JAKMIP1: variants seen among roughly 807,000 people sequenced by gnomAD.
JAKMIP1 encodes the protein janus kinase and microtubule-interacting protein 1.
In JAKMIP1, 33 loss-of-function variants were observed where a neutral mutation model predicts 113.0. The ratio of observed to expected loss-of-function variants is 0.29; its 90% CI spans 0.22 to 0.39. The LOEUF is 0.39. Among genes scored for constraint, JAKMIP1 ranks in the 10% least tolerant of loss-of-function variants. The pLI, the probability that JAKMIP1 is intolerant of heterozygous loss-of-function variation, is 1.00. For missense variants in JAKMIP1, 813 were observed against 1,080.5 expected, an observed-to-expected ratio of 0.75 and a Z score of 3.47; for synonymous variants, 480 against 459.9, an observed-to-expected ratio of 1.04 and a Z score of -0.56.
At chr4:6,095,323 A>G (rs536225536) in intron 3 of JAKMIP1, among the ~76,000 whole-genome samples, 2 of 151,468 alleles carry the variant, frequency 1.3e-5, no homozygotes, top group South Asian at 4.2e-4. Flanking sequence ...GGGGAAAGAG[A>G]GAGACAGCGA....
intron 8 of JAKMIP1, chr4:6,070,144 CAA>C (rs915925294): frequency 5.0e-6 from 2 of 398,728 alleles, no homozygotes; most frequent in Non-Finnish European, 8.8e-6. Context: ...AAGTACAGCA[CAA>C]AGAGGACATA....
Position 6,056,751 on chromosome 4 carries a change from C to A in JAKMIP1, c.1653G>T (p.Lys551Asn). ...KLLVEKGQDS[K>N]WVEEKQLLIR... is the part of the protein sequence containing the mutation. ...TGAGCAGCTGCTTCTCTTCAACCCA[C>A]TTGGAATCCTAAGGAAAAGTACTAA... Residue 551 changes from lysine (K) to asparagine (N), a missense_variant, in exon 12 of 21, where the codon AAG (lysine) becomes AAT (asparagine). By Grantham distance (94) the Lys-to-Asn change is moderately conservative. Transcript: ENST00000409021. The A allele has an allele frequency of 1.2e-6, 2 of 1,612,110 alleles. No homozygotes were observed. Among genetic ancestry groups the A allele is most frequent in the Non-Finnish European group, 1.7e-6 (2 of 1,178,504 alleles).
chr4:6,078,526 C>A (rs1720016904), intron 8 of JAKMIP1, among the ~76,000 whole-genome samples: 1 of 151,392 alleles, frequency 6.6e-6, no homozygotes, highest in Non-Finnish European at 1.5e-5. Context: ...AGCAAAAGAC[C>A]TATATTTTCC....
chr4:6,055,143 G>A (rs1217968076), intron 12 of JAKMIP1, among the ~76,000 whole-genome samples: 1 of 152,124 alleles, frequency 6.6e-6, no homozygotes, highest in Non-Finnish European at 1.5e-5. Context: ...CTCCAGTCCT[G>A]GTGCCCCAGG....
chr4:6,085,507 C>T lies in JAKMIP1; in HGVS notation c.747G>A (p.Gln249=). The change falls in exon 4 of 21, where the codon CAG becomes CAA. Residue 249 remains glutamine, a synonymous_variant. Coordinates refer to ENST00000409021, the MANE Select transcript of JAKMIP1 (RefSeq NM_001099433.2). ...QKEALDEQLV[Q]VKEAERHHSS... ...TGTGGTGCCGCTCGGCCTCCTTGAC[C>T]TGAACCAGCTGCTCATCCAAAGCCT... is the stretch of plus-strand genomic sequence containing the variant. 6.2e-7 allele frequency: 1 copy of T among 1,614,216 alleles called. No individual in the cohort carries two copies. The highest frequency in any genetic ancestry group is 8.5e-7 in the Non-Finnish European group (1 of 1,180,050).
At chr4:6,117,398 T>A (rs947015943) in intron 1 of JAKMIP1, among the ~76,000 whole-genome samples, 10 of 151,022 alleles carry the variant, frequency 6.6e-5, no homozygotes, top group Non-Finnish European at 1.3e-4. Context: ...TATTAGGGAG[T>A]TTCAAAAAGG....
Position 6,183,494 on chromosome 4 carries a change from A to AAATAAATAAATAAATAAATG in JAKMIP1, c.-148+16758_-148+16759insCATTTATTTATTTATTTATT, listed in dbSNP as rs1726289494. Reference sequence around the variant, plus strand: ...ACTCTGTCTCAATAAATAAATAAATAAATAAATAAATAAATTTAAAAAAGA... The same window carrying AAATAAATAAATAAATAAATG: ...ACTCTGTCTCAATAAATAAATAAATAAATAAATAAATAAATAAATGAATAAATAAATAAATTTAAAAAAGA... On this transcript the variant is annotated intron_variant, in intron 1 of 20. Transcript: ENST00000409021. The surrounding 1 kb of genome is among the most constrained non-coding windows in gnomAD (Gnocchi z 5.3). Among the ~76,000 whole-genome samples the AAATAAATAAATAAATAAATG allele has an allele frequency of 6.6e-6, 1 of 150,424 alleles. No individual in the cohort carries two copies.
In JAKMIP1 at chr4:6,039,938, G is replaced by T. The variant is rs73071594; in HGVS notation, c.2175+701C>A. Among the ~76,000 whole-genome samples the T allele has an allele frequency of 3.6e-3, 547 of 152,242 alleles. 5 individuals are homozygous for T. The highest frequency in any genetic ancestry group is 0.012 in the African/African-American group (517 of 41,528). ...TTGTAAAATTATTTTAACTACAAAT[G>T]ATCTGGGCAGAGATTTGCTCAAGAC... On this transcript the variant is annotated intron_variant, in intron 18 of 20. Transcript: ENST00000409021.
chr4:6,166,146 A>G (rs915388331), intron 1 of JAKMIP1, among the ~76,000 whole-genome samples: 4 of 152,152 alleles, frequency 2.6e-5, no homozygotes, highest in African/African-American at 9.7e-5. Flanking sequence ...TCTGCCACAT[A>G]AGGTATATTC....
Position 6,105,520 on chromosome 4 carries a change from C to T in JAKMIP1, c.577G>A (p.Glu193Lys). Reference protein sequence around the residue: ...LRAAYQAHQDEVHRIKRECER... With the variant: ...LRAAYQAHQDKVHRIKRECER... ...CACTCGCGCTTGATGCGGTGCACCTCGTCTTGGTGCGCCTGGTAGGCGGCA... is the reference window on the plus strand; with the variant it reads ...CACTCGCGCTTGATGCGGTGCACCTTGTCTTGGTGCGCCTGGTAGGCGGCA... The change falls in exon 3 of 21, where the codon GAG becomes AAG. Residue 193 changes from glutamate (E) to lysine (K), a missense_variant. By Grantham distance (56) the Glu-to-Lys change is moderately conservative. Coordinates refer to ENST00000409021, the MANE Select transcript of JAKMIP1 (RefSeq NM_001099433.2). 1.9e-6 allele frequency: 3 copies of T among 1,609,198 alleles called. No homozygotes were observed. Among genetic ancestry groups the T allele is most frequent in the Non-Finnish European group, 2.5e-6 (3 of 1,178,462 alleles).
At chr4:6,074,821 A>T (rs1241490519) in intron 8 of JAKMIP1, among the ~76,000 whole-genome samples, 1 of 152,232 alleles carries the variant, frequency 6.6e-6, no homozygotes, top group Non-Finnish European at 1.5e-5. Flanking sequence ...CTATGTTTAG[A>T]TACACAAATA....
In JAKMIP1 at chr4:6,081,547, G is replaced by A. The variant is rs1018364349; in HGVS notation, c.1101+62C>T. ...GAACATGTGAATCGGGAGGTTCAGG[G>A]CTGAAGAATCCCAGACAGAGAAGGG... is the stretch of plus-strand genomic sequence containing the variant. On this transcript the variant is annotated intron_variant, in intron 6 of 20. Coordinates refer to ENST00000409021, the MANE Select transcript of JAKMIP1 (RefSeq NM_001099433.2). The surrounding 1 kb of genome is among the most constrained non-coding windows in gnomAD (Gnocchi z 4.6). 15 of 1,594,502 alleles carry A rather than the reference G, an allele frequency of 9.4e-6. No homozygotes were observed. Among genetic ancestry groups the A allele is most frequent in the East Asian group, 2.2e-5 (1 of 44,718 alleles).
intron 2 of JAKMIP1, among the ~76,000 whole-genome samples, chr4:6,107,981 G>C (rs747959226): frequency 6.6e-6 from 1 of 152,168 alleles, no homozygotes; most frequent in Non-Finnish European, 1.5e-5. Context: ...AGCCTCGTGT[G>C]AGAGACACAG....
At position 6,040,699 on chromosome 4, in the gene JAKMIP1, C is replaced by G; in HGVS notation, c.2115G>C (p.Gln705His). ...CGAGCTCCTCTTCCAGGTAGCCCTT[C>G]TGCCTGCTGAACAGGTCCTGAGAAA... ...LEKEKDLFSRQKGYLEEELDY... is the reference protein window; with the variant it reads ...LEKEKDLFSRHKGYLEEELDY... Residue 705 changes from glutamine to histidine, a missense_variant, in exon 18 of 21, where the codon CAG (glutamine) becomes CAC (histidine). Gln to His is a conservative substitution (Grantham distance 24). Transcript: ENST00000409021. This position sits in a 1 kb window ranked among gnomAD's most constrained non-coding sequence, Gnocchi z 5.8. The G allele has an allele frequency of 6.2e-7, 1 of 1,613,514 alleles. No homozygotes were observed. Among genetic ancestry groups the G allele is most frequent in the Non-Finnish European group, 8.5e-7 (1 of 1,179,700 alleles).
At position 6,093,783 on chromosome 4, in the gene JAKMIP1, AAAG is replaced by A. The variant is rs1722422243; in HGVS notation, c.625-8157_625-8155del. Among the ~76,000 whole-genome samples, 1 of 152,124 alleles carries A rather than the reference AAAG, an allele frequency of 6.6e-6. No homozygotes were observed. The highest frequency in any genetic ancestry group is 1.5e-5 in the Non-Finnish European group (1 of 68,030). On this transcript the variant is annotated intron_variant, in intron 3 of 20. Transcript: ENST00000409021. The surrounding 1 kb of genome is among the most constrained non-coding windows in gnomAD (Gnocchi z 4.6). ...TACTTGGGAAGAGGTCACTTTCCTCAAAGAAGGAGCCAGGTTTGCCCGTGGTAG... is the reference window on the plus strand; with the variant it reads ...TACTTGGGAAGAGGTCACTTTCCTCAAAGGAGCCAGGTTTGCCCGTGGTAG...
intron 13 of JAKMIP1, 106 bp downstream of exon 13, chr4:6,053,944 C>T: frequency 1.9e-6 from 3 of 1,596,174 alleles, no homozygotes; most frequent in Non-Finnish European, 2.6e-6. Context: ...AACATGTCCC[C>T]TTTACACATG....
At position 6,142,990 on chromosome 4, in the gene JAKMIP1, GA is replaced by G. The variant is rs1720374635; in HGVS notation, c.-147-29994del. Among the ~76,000 whole-genome samples the G allele has an allele frequency of 6.6e-6, 1 of 152,130 alleles. No homozygotes were observed. The highest frequency in any genetic ancestry group is 1.5e-5 in the Non-Finnish European group (1 of 68,006). ...TCTGACTATACTATCAATATGAAAA[GA>G]AAAACTGCCTCGATGCCTTCTGGGG... On this transcript the variant is annotated intron_variant, in intron 1 of 20. Transcript: ENST00000409021. This position sits in a 1 kb window ranked among gnomAD's most constrained non-coding sequence, Gnocchi z 5.5.
At chr4:6,189,991 G>A (rs1480188218) in intron 1 of JAKMIP1, among the ~76,000 whole-genome samples, 2 of 152,178 alleles carry the variant, frequency 1.3e-5, no homozygotes, top group Non-Finnish European at 1.5e-5. Context: ...AGAGAAGAAA[G>A]CCCCATTAGT....
At chr4:6,103,528 A>C (rs1175379154) in intron 3 of JAKMIP1, among the ~76,000 whole-genome samples, 1 of 152,192 alleles carries the variant, frequency 6.6e-6, no homozygotes, top group Non-Finnish European at 1.5e-5. Context: ...AGTTAGTTAA[A>C]ATGTGTTCCT....
Sources: allele counts gnomAD v4.1 joint callset (sites outside exome capture counted in the v4.1 genomes callset), GRCh38; gene constraint gnomAD v4.1.1; non-coding constraint Gnocchi (gnomAD v3.1); transcripts MANE v1.5; gene names NCBI Gene and HGNC (gene_info 2026-07-23, HGNC 2026-07-21).